Variants in AKR1E2 observed in about 807,000 individuals in gnomAD.
AKR1E2 encodes 1,5-anhydro-D-fructose reductase.
Under a neutral mutation model 41.9 loss-of-function variants are expected in AKR1E2, and 43 were observed. That is an observed-to-expected ratio of 1.03 (90% CI 0.80 to 1.32). The LOEUF (loss-of-function observed/expected upper bound fraction) is 1.32. AKR1E2 is among the 40% of genes most tolerant of loss of function. The probability of loss-of-function intolerance (pLI) is 0.00; values close to 1 mark genes in which losing one functional copy is unlikely to be tolerated. For synonymous variants in AKR1E2, 121 were observed against 138.9 expected (o/e 0.87, Z 0.91); for missense variants, 423 against 396.5 (o/e 1.07, Z -0.57).
chr10:4,843,481 A>G (rs1392876239), intron 8 of AKR1E2, among the ~76,000 whole-genome samples: 2 of 152,180 alleles, frequency 1.3e-5, no homozygotes, highest in African/African-American at 4.8e-5. Context: ...TCCTGGGGCC[A>G]GCTGCACAGC....
the AKR1E2 span, among the ~76,000 whole-genome samples, chr10:4,866,213 T>C: frequency 1.3e-5 from 2 of 152,330 alleles, no homozygotes; most frequent in African/African-American, 4.8e-5. Flanking sequence ...ATGTTTGAAT[T>C]ACATAATAAA....
chr10:4,840,151 A>G (rs1488617857), intron 6 of AKR1E2, among the ~76,000 whole-genome samples: 1 of 152,070 alleles, frequency 6.6e-6, no homozygotes, highest in Non-Finnish European at 1.5e-5. Context: ...GATGCTCCCC[A>G]GGCCTCTCCA....
intron 1 of AKR1E2, among the ~76,000 whole-genome samples, chr10:4,830,347 T>TC (rs59760917): frequency 0.11 from 16,281 of 152,252 alleles, 964 homozygotes; most frequent in Middle Eastern, 0.14. Flanking sequence ...GGATAAATCT[T>TC]AAGCCTCTTT....
At chr10:4,862,932 C>A in the AKR1E2 span, among the ~76,000 whole-genome samples, 1 of 151,974 alleles carries the variant, frequency 6.6e-6, no homozygotes, top group Non-Finnish European at 1.5e-5. Context: ...CATATGCACC[C>A]AATGTAGGGG....
chr10:4,844,341 G>A (rs1029997476), intron 8 of AKR1E2, among the ~76,000 whole-genome samples: 6 of 152,182 alleles, frequency 3.9e-5, no homozygotes, highest in African/African-American at 1.4e-4. Context: ...CCTTTGCGGT[G>A]AGTGTTACAG....
At chr10:4,863,738 A>C in the AKR1E2 span, among the ~76,000 whole-genome samples, 16 of 136,188 alleles carry the variant, frequency 1.2e-4, no homozygotes, top group African/African-American at 4.4e-4. Context: ...AAGAAAAGAA[A>C]GAAGAATCAA....
downstream of AKR1E2, among the ~76,000 whole-genome samples, chr10:4,851,823 C>T (rs1834532217): frequency 1.3e-5 from 2 of 152,214 alleles, no homozygotes; most frequent in Admixed American, 1.3e-4. Flanking sequence ...CTTTTAATTA[C>T]ATACCATGTG....
chr10:4,841,865 G>T lies in AKR1E2; in HGVS notation c.753+8G>T. 6.2e-7 allele frequency: 1 copy of T among 1,612,652 alleles called. No homozygotes were observed. The highest frequency in any genetic ancestry group is 8.5e-7 in the Non-Finnish European group (1 of 1,179,384). ...GGCAAGTCTCCTGCTCAGGTAGGGA[G>T]GGAGGGCTGTTCTGAGCCAGGTGGG... On this transcript the variant is annotated splice_region_variant and intron_variant, in intron 7 of 9. Coordinates refer to ENST00000298375, the MANE Select transcript of AKR1E2 (RefSeq NM_001040177.3).
intron 8 of AKR1E2, among the ~76,000 whole-genome samples, chr10:4,843,909 G>A (rs1834086620): frequency 6.6e-6 from 1 of 152,224 alleles, no homozygotes; most frequent in South Asian, 2.1e-4. Flanking sequence ...AGCCTGAAAG[G>A]TATGGATTTG....
At chr10:4,834,458 C>G (rs1439985547) in intron 3 of AKR1E2, among the ~76,000 whole-genome samples, 1 of 152,206 alleles carries the variant, frequency 6.6e-6, no homozygotes, top group African/African-American at 2.4e-5. Flanking sequence ...AAATTCATTG[C>G]ATGCAGAAAA....
rs1833968801 is a variant in AKR1E2, at chr10:4,842,468, A to G, written c.801A>G (p.Gly267=). ...AGAGGAATGTGATAGTGATCCCCGG[A>G]TCTATCACCCCAAGTCACATTAAAG... The part of the protein sequence containing the change: ...QIQRNVIVIP[G]SITPSHIKEN... The change falls in exon 8 of 10, where the codon GGA becomes GGG. Residue 267 remains glycine (G), a synonymous_variant. Transcript: ENST00000298375. 6.2e-7 allele frequency: 1 copy of G among 1,614,022 alleles called. No homozygotes were observed. The highest frequency in any genetic ancestry group is 8.5e-7 in the Non-Finnish European group (1 of 1,180,014).
At chr10:4,826,167 C>T (rs1478758237), upstream of AKR1E2, 1 of 511,196 alleles carries the variant, frequency 2.0e-6, no homozygotes, top group East Asian at 3.5e-5. Flanking sequence ...AGTCAGGAAG[C>T]CCTGCGTTCA....
chr10:4,843,975 G>A (rs2131560431), intron 8 of AKR1E2, among the ~76,000 whole-genome samples: 1 of 152,316 alleles, frequency 6.6e-6, no homozygotes, highest in Non-Finnish European at 1.5e-5. Context: ...CTTGGAACGA[G>A]ACTGCAGGTC....
chr10:4,840,486 T>G (rs1475174707), intron 6 of AKR1E2, among the ~76,000 whole-genome samples: 3 of 152,220 alleles, frequency 2.0e-5, no homozygotes, highest in Non-Finnish European at 4.4e-5. Flanking sequence ...CAGTGGGAGC[T>G]GAAAGGAGCT....
the AKR1E2 span, among the ~76,000 whole-genome samples, chr10:4,854,540 T>C: frequency 4.6e-5 from 7 of 152,262 alleles, no homozygotes; most frequent in Admixed American, 2.6e-4. Flanking sequence ...GAAGGGACTA[T>C]AGTGAGGAAC....
chr10:4,862,306 C>G, the AKR1E2 span, among the ~76,000 whole-genome samples: 1 of 152,136 alleles, frequency 6.6e-6, no homozygotes, highest in African/African-American at 2.4e-5. Flanking sequence ...GTTTTGGTAC[C>G]AGTACCATGC....
chr10:4,851,100 C>T (rs189277543), downstream of AKR1E2, among the ~76,000 whole-genome samples: 10 of 152,298 alleles, frequency 6.6e-5, no homozygotes, highest in East Asian at 1.5e-3. Flanking sequence ...CATGTGGAGG[C>T]GATCACAGAA....
At chr10:4,825,834 ACT>A (rs1357411983), upstream of AKR1E2, among the ~76,000 whole-genome samples, 2 of 151,624 alleles carry the variant, frequency 1.3e-5, no homozygotes, top group African/African-American at 2.4e-5. Flanking sequence ...AACGGTGAAG[ACT>A]CTCTGCCCAT....
At chr10:4,846,590 A>G (rs2961596) in intron 8 of AKR1E2, among the ~76,000 whole-genome samples, 30,748 of 150,964 alleles carry the variant, frequency 0.2, 3,323 homozygotes, top group Middle Eastern at 0.33. Flanking sequence ...CTGTCATCCA[A>G]GCTGGAGTGC....
Sources: gnomAD v4.1 joint callset for allele counts (sites outside exome capture counted in the v4.1 genomes callset) on GRCh38, gnomAD v4.1.1 for gene constraint, MANE v1.5 for transcripts, NCBI Gene and HGNC (gene_info 2026-07-23, HGNC 2026-07-21) for gene names.